The following ACP7 variants were observed in gnomAD, a reference collection of about 807,000 sequenced individuals.
ACP7 encodes the protein acid phosphatase type 7.
Under a neutral mutation model 60.6 loss-of-function variants are expected in ACP7, and 58 were observed. The ratio of observed to expected loss-of-function variants is 0.96; its 90% CI spans 0.77 to 1.19. ACP7 has a LOEUF of 1.19. Ranked by LOEUF, ACP7 falls within the 50% of genes most tolerant of loss-of-function variation. ACP7 has a pLI of 0.00. For synonymous variants in ACP7, 237 were observed against 232.6 expected, an observed-to-expected ratio of 1.02 and a Z score of -0.17; for missense variants, 574 against 596.2, an observed-to-expected ratio of 0.96 and a Z score of 0.39.
In ACP7 at chr19:39,110,524, A is replaced by C. The variant is rs1204818633; in HGVS notation, c.*406A>C. 1 of 170,160 alleles carries C rather than the reference A, an allele frequency of 5.9e-6. No homozygotes were observed. The highest frequency in any genetic ancestry group is 2.4e-5 in the African/African-American group (1 of 41,850). The allele number at this position is 170,160 out of a possible 1,614,324, so 10.5% of individuals were successfully genotyped here. A position where few individuals can be genotyped will look rare whatever the true frequency, so the allele number is the denominator to read the frequency against. On this transcript the variant is annotated 3_prime_UTR_variant, in exon 13 of 13. Coordinates refer to ENST00000331256, the MANE Select transcript of ACP7 (RefSeq NM_001004318.3). Reference sequence around the variant, plus strand: ...CTGCCCACCTGGCAAGGGCATCGCCAGGTGGGCACAACCGTCATGACACTA... The same window carrying C: ...CTGCCCACCTGGCAAGGGCATCGCCCGGTGGGCACAACCGTCATGACACTA...
chr19:39,098,377 A>G (rs930065987), intron 2 of ACP7, 81 bp from the exon 3 acceptor site: 3 of 1,132,908 alleles, frequency 2.6e-6, no homozygotes, highest in Non-Finnish European at 3.6e-6. Flanking sequence ...ACAGTGGTCA[A>G]CGCCCCTCAC....
chr19:39,109,433 C>T (rs1010316224), intron 12 of ACP7, among the ~76,000 whole-genome samples: 6 of 151,980 alleles, frequency 3.9e-5, no homozygotes, highest in Non-Finnish European at 7.4e-5. Context: ...AGGGTGGATG[C>T]GCTGGCCAGG....
intron 11 of ACP7, among the ~76,000 whole-genome samples, chr19:39,102,049 G>A (rs189829161): frequency 6.6e-6 from 1 of 151,846 alleles, no homozygotes; most frequent in East Asian, 1.9e-4. Flanking sequence ...GAGTGCAGGA[G>A]GTCAAGGCTG....
chr19:39,095,529 C>T (rs1217295182), intron 2 of ACP7, among the ~76,000 whole-genome samples: 1 of 152,226 alleles, frequency 6.6e-6, no homozygotes, highest in African/African-American at 2.4e-5. Context: ...GTATAGCCTC[C>T]CTCCTGGCTG....
Position 39,110,272 on chromosome 19 carries a change from G to T in ACP7, c.*154G>T. On this transcript the variant is annotated 3_prime_UTR_variant, in exon 13 of 13. Transcript: ENST00000331256. ...GGTACATGCAGCCCTATGGAGCTGGGGCAGCTGTTCCCTCCTGGAGAGGTG... is the reference window on the plus strand; with the variant it reads ...GGTACATGCAGCCCTATGGAGCTGGTGCAGCTGTTCCCTCCTGGAGAGGTG... 1 of 698,616 alleles carries T rather than the reference G, an allele frequency of 1.4e-6. No homozygotes were observed. The highest frequency in any genetic ancestry group is 1.8e-5 in the South Asian group (1 of 54,914). 43.3% of individuals were successfully genotyped at this position (698,616 alleles called of 1,614,324 possible). A position where few individuals can be genotyped will look rare whatever the true frequency, so the allele number is the denominator to read the frequency against.
chr19:39,092,785 T>C (rs7254590), intron 2 of ACP7, among the ~76,000 whole-genome samples: 24 of 87,002 alleles, frequency 2.8e-4, no homozygotes, highest in South Asian at 3.5e-4. Context: ...TTTTTTTTTT[T>C]TTTTTTTTTT....
chr19:39,100,925 C>T lies in ACP7; in HGVS notation c.808-24C>T, dbSNP rs764450668. The T allele has an allele frequency of 8.7e-6, 14 of 1,611,920 alleles. No individual in the cohort carries two copies. The Admixed American group carries it at 1.7e-4, about 19-fold the overall frequency. ...CCCCTCCACCCCTGACTCCTAGCCC[C>T]TCACCCTGGGCCCTTCTCCCTAGAA... On this transcript the variant is annotated intron_variant, in intron 7 of 12. Transcript: ENST00000331256.
chr19:39,103,148 A>T (rs1467908841), intron 11 of ACP7, among the ~76,000 whole-genome samples: 1 of 152,146 alleles, frequency 6.6e-6, no homozygotes, highest in Non-Finnish European at 1.5e-5. Context: ...TTACAGTGCC[A>T]TTCTAATGGG....
chr19:39,093,459 G>A (rs2073233624), intron 2 of ACP7, among the ~76,000 whole-genome samples: 1 of 151,844 alleles, frequency 6.6e-6, no homozygotes, highest in Non-Finnish European at 1.5e-5. Context: ...TTGCCATATG[G>A]GCCAGGCTGG....
chr19:39,087,308 C>T (rs1485574577), intron 2 of ACP7, among the ~76,000 whole-genome samples: 4 of 152,000 alleles, frequency 2.6e-5, no homozygotes, highest in South Asian at 4.2e-4. Context: ...CACCGCGCCC[C>T]GCCTAAAATC....
chr19:39,103,060 A>G (rs1359266101), intron 11 of ACP7, among the ~76,000 whole-genome samples: 1 of 151,432 alleles, frequency 6.6e-6, no homozygotes, highest in Non-Finnish European at 1.5e-5. Context: ...CTGGTCTCAA[A>G]CTCCGGACCT....
rs373844928 is a variant in ACP7, at chr19:39,107,102, C to T, written c.1251+18C>T. On this transcript the variant is annotated intron_variant, in intron 12 of 12. Transcript: ENST00000331256. Reference sequence around the variant, plus strand: ...ACGACCAGGTCAGTGAGGGGCAGGCCGAAGTCACCTGACTGTACAGCCAGG... The same window carrying T: ...ACGACCAGGTCAGTGAGGGGCAGGCTGAAGTCACCTGACTGTACAGCCAGG... 1.4e-5 allele frequency: 22 copies of T among 1,612,682 alleles called. No homozygotes were observed. The highest frequency in any genetic ancestry group is 6.6e-5 in the South Asian group (6 of 90,932).
chr19:39,085,643 A>C (rs2073133068), intron 2 of ACP7, among the ~76,000 whole-genome samples: 1 of 152,006 alleles, frequency 6.6e-6, no homozygotes, highest in East Asian at 1.9e-4. Context: ...GTCCTTGTTC[A>C]TTGCATCTCT....
At chr19:39,105,990 A>T (rs149066493) in intron 11 of ACP7, among the ~76,000 whole-genome samples, 120 of 152,172 alleles carry the variant, frequency 7.9e-4, no homozygotes, top group Non-Finnish European at 1.3e-3. Flanking sequence ...TCTCCTGGAG[A>T]GATACTTTGA....
chr19:39,103,447 T>G lies in ACP7; in HGVS notation c.1113+1910T>G, dbSNP rs942558435. 5.0e-5 allele frequency among the ~76,000 whole-genome samples: 6 copies of G among 121,028 alleles called. 1 individual carries two copies. Among genetic ancestry groups the G allele is most frequent in the Non-Finnish European group, 6.6e-5 (4 of 60,720 alleles). 79.4% of individuals were successfully genotyped at this position (121,028 alleles called of 152,430 possible). A position where few individuals can be genotyped will look rare whatever the true frequency, so the allele number is the denominator to read the frequency against. ...CATTCCAGGATCATCATGTGTTTTTTTTTTTTTTTTTTTTTTTTTGCTCAG... is the reference window on the plus strand; with the variant it reads ...CATTCCAGGATCATCATGTGTTTTTGTTTTTTTTTTTTTTTTTTTGCTCAG... On this transcript the variant is annotated intron_variant, in intron 11 of 12. Coordinates refer to ENST00000331256, the MANE Select transcript of ACP7 (RefSeq NM_001004318.3).
intron 12 of ACP7, among the ~76,000 whole-genome samples, chr19:39,107,603 A>G (rs2073425819): frequency 7.1e-6 from 1 of 141,696 alleles, no homozygotes; most frequent in Non-Finnish European, 1.5e-5. Flanking sequence ...AAAAAAAATT[A>G]GGCCAGGTGC....
intron 2 of ACP7, among the ~76,000 whole-genome samples, chr19:39,086,768 G>C (rs1429344741): frequency 6.6e-6 from 1 of 151,990 alleles, no homozygotes; most frequent in Non-Finnish European, 1.5e-5. Context: ...ATTTTATGGA[G>C]AACTAAAATT....
rs1285857152 is a variant in ACP7, at chr19:39,091,218, A to G, written c.121+5828A>G. Among the ~76,000 whole-genome samples the G allele has an allele frequency of 2.7e-5, 4 of 149,762 alleles. No individual in the cohort carries two copies. The South Asian group carries it at 8.4e-4, about 32-fold the overall frequency. On this transcript the variant is annotated intron_variant, in intron 2 of 12. Transcript: ENST00000331256. ...GCTCTTGTCACCCAGGCTGGAGTAC[A>G]GTGGCGTGATCTCAGCTCACAGCAA...
rs1197890088 is a variant in ACP7, at chr19:39,110,566, G to A, written c.*448G>A. 6.4e-6 allele frequency: 1 copy of A among 156,878 alleles called. No homozygotes were observed. The highest frequency in any genetic ancestry group is 1.4e-5 in the Non-Finnish European group (1 of 70,836). The allele number at this position is 156,878 out of a possible 1,614,324, so 9.7% of individuals were successfully genotyped here. ...ATGACACTACTCACCAGCAGGTGGC[G>A]TCAGGGGCTTTTTCTTCTGAGCCCG... is the stretch of plus-strand genomic sequence containing the variant. On this transcript the variant is annotated 3_prime_UTR_variant, in exon 13 of 13. Coordinates refer to ENST00000331256, the MANE Select transcript of ACP7 (RefSeq NM_001004318.3).
Sources: allele counts gnomAD v4.1 joint callset (sites outside exome capture counted in the v4.1 genomes callset), GRCh38; gene constraint gnomAD v4.1.1; transcripts MANE v1.5; gene names NCBI Gene and HGNC (gene_info 2026-07-23, HGNC 2026-07-21).